MARVELD1: variants seen among roughly 807,000 people sequenced by gnomAD.
The protein encoded by MARVELD1 is MARVEL domain-containing protein 1.
MARVELD1 carries 7 observed loss-of-function variants against 11.3 expected under a neutral mutation model. That is an observed-to-expected ratio of 0.62 (90% CI 0.35 to 1.16). MARVELD1 has a LOEUF of 1.16. Among genes scored for constraint, MARVELD1 ranks in the 50% most tolerant of loss-of-function variants. The probability of loss-of-function intolerance (pLI) is 0.02; values close to 1 mark genes in which losing one functional copy is unlikely to be tolerated. For synonymous variants in MARVELD1, 119 were observed against 121.4 expected (o/e 0.98, Z 0.13); for missense variants, 216 against 243.8 (o/e 0.89, Z 0.76).
rs1236464517 is a variant in MARVELD1 at position 97,714,103 on chromosome 10, A to G, written c.227A>G (p.Tyr76Cys). Residue 76 changes from tyrosine to cysteine, a missense_variant, in exon 1 of 2, where the codon TAC becomes TGC. Physicochemically the swap from Tyr to Cys is radical, Grantham distance 194. Transcript: ENST00000285605. This position sits in a 1 kb window ranked among gnomAD's most constrained non-coding sequence, Gnocchi z 7.4. ...TTCTGGCTGCTCACCCTGGGCCTCT[A>G]CTTCCTCACGCTGCTGGGCAAGCAC... The part of the protein sequence containing the change: ...VLFWLLTLGL[Y>C]FLTLLGKHEL... 3 of 1,536,548 alleles carry G rather than the reference A, an allele frequency of 2.0e-6. No individual in the cohort carries two copies. The highest frequency in any genetic ancestry group is 2.7e-5 in the African/African-American group (2 of 72,892).
chr10:97,716,959 TGTG>T (rs1324465072), intron 1 of MARVELD1, among the ~76,000 whole-genome samples: 1 of 152,210 alleles, frequency 6.6e-6, no homozygotes. Flanking sequence ...TTTTTTAAAT[TGTG>T]GTAAAATATA....
chr10:97,715,336 C>G lies in MARVELD1; in HGVS notation c.*938C>G, dbSNP rs2041904312. 1 of 152,246 alleles carries G rather than the reference C, an allele frequency of 6.6e-6. No individual in the cohort carries two copies. Among genetic ancestry groups the G allele is most frequent in the Admixed American group, 6.6e-5 (1 of 15,262 alleles). The allele number at this position is 152,246 out of a possible 1,614,324, so 9.4% of individuals were successfully genotyped here. On this transcript the variant is annotated 3_prime_UTR_variant, in exon 1 of 2. Coordinates refer to ENST00000285605, the MANE Select transcript of MARVELD1 (RefSeq NM_031484.4). ...CTTCTTACAGATGGGGACCCAGAGCCTGCTCTTGGGAACAGCCAGAGTAAG... is the reference window on the plus strand; with the variant it reads ...CTTCTTACAGATGGGGACCCAGAGCGTGCTCTTGGGAACAGCCAGAGTAAG...
Position 97,714,204 on chromosome 10 carries a change from G to A in MARVELD1, c.328G>A (p.Gly110Ser). 1 of 1,536,814 alleles carries A rather than the reference G, an allele frequency of 6.5e-7. No individual in the cohort carries two copies. Among genetic ancestry groups the A allele is most frequent in the Non-Finnish European group, 8.7e-7 (1 of 1,146,622 alleles). ...AHDVLAAALY[G>S]AATGIMSDQM... ...CGATGTGCTGGCGGCCGCGCTCTAC[G>A]GCGCCGCCACCGGCATCATGAGCGA... Residue 110 changes from glycine to serine, a missense_variant, in exon 1 of 2, where the codon GGC (glycine) becomes AGC (serine). By Grantham distance (56) the Gly-to-Ser change is moderately conservative. Transcript: ENST00000285605. The surrounding 1 kb of genome is among the most constrained non-coding windows in gnomAD (Gnocchi z 7.4).
In MARVELD1 at chr10:97,714,195, G is replaced by A; in HGVS notation, c.319G>A (p.Ala107Thr). The A allele has an allele frequency of 6.5e-7, 1 of 1,536,756 alleles. No homozygotes were observed. The highest frequency in any genetic ancestry group is 8.7e-7 in the Non-Finnish European group (1 of 1,146,606). Residue 107 changes from alanine to threonine, a missense_variant, in exon 1 of 2, where the codon GCG becomes ACG. By Grantham distance (58) the Ala-to-Thr change is moderately conservative. Coordinates refer to ENST00000285605, the MANE Select transcript of MARVELD1 (RefSeq NM_031484.4). The surrounding 1 kb of genome is among the most constrained non-coding windows in gnomAD (Gnocchi z 7.4). ...CGTGGCGCACGATGTGCTGGCGGCC[G>A]CGCTCTACGGCGCCGCCACCGGCAT... is the stretch of plus-strand genomic sequence containing the variant. ...VNVAHDVLAA[A>T]LYGAATGIMS... is the part of the protein sequence containing the mutation.
rs2041918746 is a variant in MARVELD1 at position 97,717,339 on chromosome 10, GA to G, written c.*1734del. The G allele has an allele frequency of 6.6e-6, 1 of 152,228 alleles. No homozygotes were observed. The highest frequency in any genetic ancestry group is 2.4e-5 in the African/African-American group (1 of 41,442). 9.4% of individuals were successfully genotyped at this position (152,228 alleles called of 1,614,324 possible). Reference sequence around the variant, plus strand: ...TTCACTGGCAGTAGGGGGAGATGGGGAGAGGAATGATCTCTGCCCAGCCCCT... The same window carrying G: ...TTCACTGGCAGTAGGGGGAGATGGGGGAGGAATGATCTCTGCCCAGCCCCT... On this transcript the variant is annotated 3_prime_UTR_variant, in exon 2 of 2. Transcript: ENST00000285605.
Position 97,715,849 on chromosome 10 carries a change from G to A in MARVELD1, c.*1451G>A, listed in dbSNP as rs2041908353. On this transcript the variant is annotated 3_prime_UTR_variant, in exon 1 of 2. Transcript: ENST00000285605. ...GAAATGAAGCCAAAGTTATTCAGATGGTTTTCCCAGGCTAAAGGAAAGTCA... is the reference window on the plus strand; with the variant it reads ...GAAATGAAGCCAAAGTTATTCAGATAGTTTTCCCAGGCTAAAGGAAAGTCA... 1 of 152,240 alleles carries A rather than the reference G, an allele frequency of 6.6e-6. No individual in the cohort carries two copies. Among genetic ancestry groups the A allele is most frequent in the Non-Finnish European group, 1.5e-5 (1 of 68,054 alleles). 9.4% of individuals were successfully genotyped at this position (152,240 alleles called of 1,614,324 possible).
At position 97,714,475 on chromosome 10, in the gene MARVELD1, C is replaced by T; in HGVS notation, c.*77C>T. Reference sequence around the variant, plus strand: ...CCAGCCTCCTTAATCCCTTCCCCCGCCGCCGCCCCGCGCGGGTGCGCCCTG... The same window carrying T: ...CCAGCCTCCTTAATCCCTTCCCCCGTCGCCGCCCCGCGCGGGTGCGCCCTG... On this transcript the variant is annotated 3_prime_UTR_variant, in exon 1 of 2. Coordinates refer to ENST00000285605, the MANE Select transcript of MARVELD1 (RefSeq NM_031484.4). This position sits in a 1 kb window ranked among gnomAD's most constrained non-coding sequence, Gnocchi z 7.4. 2 of 1,153,470 alleles carry T rather than the reference C, an allele frequency of 1.7e-6. No homozygotes were observed. Among genetic ancestry groups the T allele is most frequent in the Non-Finnish European group, 2.3e-6 (2 of 853,910 alleles). The allele number at this position is 1,153,470 out of a possible 1,614,324, so 71.5% of individuals were successfully genotyped here. A position where few individuals can be genotyped will look rare whatever the true frequency, so the allele number is the denominator to read the frequency against.
chr10:97,716,288 G>A (rs1352122853), intron 1 of MARVELD1, among the ~76,000 whole-genome samples: 3 of 152,094 alleles, frequency 2.0e-5, no homozygotes, highest in Non-Finnish European at 4.4e-5. Context: ...AGACTGAAGC[G>A]ATCCTCTCAC....
chr10:97,714,311 C>G lies in MARVELD1; in HGVS notation c.435C>G (p.Val145=). The G allele has an allele frequency of 6.5e-7, 1 of 1,536,148 alleles. No homozygotes were observed. Among genetic ancestry groups the G allele is most frequent in the South Asian group, 1.2e-5 (1 of 84,054 alleles). Residue 145 remains valine, a synonymous_variant, in exon 1 of 2, where the codon GTC becomes GTG. Coordinates refer to ENST00000285605, the MANE Select transcript of MARVELD1 (RefSeq NM_031484.4). This position sits in a 1 kb window ranked among gnomAD's most constrained non-coding sequence, Gnocchi z 7.4. ...ACCACGCCTTCCTGGCGGCCGCCGT[C>G]TGCGGCGGCGTCTGCCACGGCCTCT... The part of the protein sequence containing the change: ...CAYHAFLAAA[V]CGGVCHGLYL...
rs1012617597 is a variant in MARVELD1 at position 97,714,639 on chromosome 10, C to T, written c.*241C>T. 2 of 472,644 alleles carry T rather than the reference C, an allele frequency of 4.2e-6. No homozygotes were observed. The highest frequency in any genetic ancestry group is 7.4e-6 in the Non-Finnish European group (2 of 270,480). 29.3% of individuals were successfully genotyped at this position (472,644 alleles called of 1,614,324 possible). On this transcript the variant is annotated 3_prime_UTR_variant, in exon 1 of 2. Coordinates refer to ENST00000285605, the MANE Select transcript of MARVELD1 (RefSeq NM_031484.4). This position sits in a 1 kb window ranked among gnomAD's most constrained non-coding sequence, Gnocchi z 7.4. ...CCGACCGCCGCGCCGGACGCGCCGT[C>T]TCCCGGGACAAGCGCAGGCTGCGAT...
rs1279685446 is a variant in MARVELD1, at chr10:97,715,930, C to T, written c.*1532C>T. 2 of 152,244 alleles carry T rather than the reference C, an allele frequency of 1.3e-5. No individual in the cohort carries two copies. Among genetic ancestry groups the T allele is most frequent in the Non-Finnish European group, 2.9e-5 (2 of 68,064 alleles). The allele number at this position is 152,244 out of a possible 1,614,324, so 9.4% of individuals were successfully genotyped here. ...CAGCTGACAGGGTGGGTCTCCCTTA[C>T]CAAAGAGAAGAACCACTCTCTGGCG... is the stretch of plus-strand genomic sequence containing the variant. On this transcript the variant is annotated 3_prime_UTR_variant, in exon 1 of 2. Coordinates refer to ENST00000285605, the MANE Select transcript of MARVELD1 (RefSeq NM_031484.4).
At position 97,715,162 on chromosome 10, in the gene MARVELD1, A is replaced by G. The variant is rs1297673806; in HGVS notation, c.*764A>G. The stretch of plus-strand genomic sequence containing the variant: ...GTTTTTGCAGGCCAGTGCCAAACAC[A>G]CACTAACTGTCCTGGCCTCTCCGTG... On this transcript the variant is annotated 3_prime_UTR_variant, in exon 1 of 2. Coordinates refer to ENST00000285605, the MANE Select transcript of MARVELD1 (RefSeq NM_031484.4). 6.6e-6 allele frequency: 1 copy of G among 152,380 alleles called. No individual in the cohort carries two copies. Among genetic ancestry groups the G allele is most frequent in the Non-Finnish European group, 1.5e-5 (1 of 68,244 alleles). 9.4% of individuals were successfully genotyped at this position (152,380 alleles called of 1,614,324 possible).
chr10:97,715,436 C>A lies in MARVELD1; in HGVS notation c.*1038C>A, dbSNP rs1169803140. 4 of 152,260 alleles carry A rather than the reference C, an allele frequency of 2.6e-5. No homozygotes were observed. The highest frequency in any genetic ancestry group is 5.9e-5 in the Non-Finnish European group (4 of 68,074). The allele number at this position is 152,260 out of a possible 1,614,324, so 9.4% of individuals were successfully genotyped here. Reference sequence around the variant, plus strand: ...TGAGTCAGGACCCCTGGCTCAGGAGCCGCCTCTCCTAAAAGAGGGTTTCAA... The same window carrying A: ...TGAGTCAGGACCCCTGGCTCAGGAGACGCCTCTCCTAAAAGAGGGTTTCAA... On this transcript the variant is annotated 3_prime_UTR_variant, in exon 1 of 2. Coordinates refer to ENST00000285605, the MANE Select transcript of MARVELD1 (RefSeq NM_031484.4).
In MARVELD1 at chr10:97,713,893, C is replaced by G. The variant is rs1015426912; in HGVS notation, c.17C>G (p.Pro6Arg). Residue 6 changes from proline (P) to arginine (R), a missense_variant, in exon 1 of 2, where the codon CCG becomes CGG. Pro to Arg is a moderately radical substitution (Grantham distance 103). Coordinates refer to ENST00000285605, the MANE Select transcript of MARVELD1 (RefSeq NM_031484.4). This position sits in a 1 kb window ranked among gnomAD's most constrained non-coding sequence, Gnocchi z 5.7. ...CCAGGGGCCATGCTCCCGCCGCCCCCGCGCCAGCCGCCGCCCCAGGCGCGT... is the reference window on the plus strand; with the variant it reads ...CCAGGGGCCATGCTCCCGCCGCCCCGGCGCCAGCCGCCGCCCCAGGCGCGT... MLPPPPRQPPPQARAA... is the reference protein window; with the variant it reads MLPPPRRQPPPQARAA... The G allele has an allele frequency of 5.1e-6, 5 of 978,866 alleles. No individual in the cohort carries two copies. The highest frequency in any genetic ancestry group is 6.2e-6 in the Non-Finnish European group (5 of 811,224). The allele number at this position is 978,866 out of a possible 1,614,324, so 60.6% of individuals were successfully genotyped here. A position where few individuals can be genotyped will look rare whatever the true frequency, so the allele number is the denominator to read the frequency against.
At position 97,714,591 on chromosome 10, in the gene MARVELD1, G is replaced by T; in HGVS notation, c.*193G>T. On this transcript the variant is annotated 3_prime_UTR_variant, in exon 1 of 2. Transcript: ENST00000285605. The surrounding 1 kb of genome is among the most constrained non-coding windows in gnomAD (Gnocchi z 7.4). The stretch of plus-strand genomic sequence containing the variant: ...CCCGCCCGACGGCAGCGCCGCCGCC[G>T]CCCAGAATCCCAGCCCAGAATCCCG... 1 of 492,712 alleles carries T rather than the reference G, an allele frequency of 2.0e-6. No individual in the cohort carries two copies. The highest frequency in any genetic ancestry group is 3.5e-5 in the East Asian group (1 of 28,698). 30.5% of individuals were successfully genotyped at this position (492,712 alleles called of 1,614,324 possible).
rs1564787547 is a variant in MARVELD1 at position 97,714,091 on chromosome 10, C to T, written c.215C>T (p.Thr72Ile). ...LFVSVLFWLLTLGLYFLTLLG... is the reference protein window; with the variant it reads ...LFVSVLFWLLILGLYFLTLLG... The stretch of plus-strand genomic sequence containing the variant: ...GTGTCCGTGCTCTTCTGGCTGCTCA[C>T]CCTGGGCCTCTACTTCCTCACGCTG... The change falls in exon 1 of 2, where the codon ACC (threonine) becomes ATC (isoleucine). Residue 72 changes from threonine to isoleucine, a missense_variant. By Grantham distance (89) the Thr-to-Ile change is moderately conservative. Coordinates refer to ENST00000285605, the MANE Select transcript of MARVELD1 (RefSeq NM_031484.4). The surrounding 1 kb of genome is among the most constrained non-coding windows in gnomAD (Gnocchi z 7.4). 6.5e-6 allele frequency: 10 copies of T among 1,536,984 alleles called. No individual in the cohort carries two copies. The highest frequency in any genetic ancestry group is 8.7e-6 in the Non-Finnish European group (10 of 1,146,732).
chr10:97,713,896 GCCAGCCGCCGCC>G lies in MARVELD1; in HGVS notation c.25_36del (p.Pro9_Gln12del). The G allele has an allele frequency of 1.0e-6, 1 of 1,001,768 alleles. No homozygotes were observed. The highest frequency in any genetic ancestry group is 1.2e-6 in the Non-Finnish European group (1 of 828,632). 62.1% of individuals were successfully genotyped at this position (1,001,768 alleles called of 1,614,324 possible). ...GGGGCCATGCTCCCGCCGCCCCCGC[GCCAGCCGCCGCC>G]CCAGGCGCGTGCGGCCCGCGGCGCG... is the stretch of plus-strand genomic sequence containing the variant. On this transcript the variant is annotated inframe_deletion, in exon 1 of 2. Coordinates refer to ENST00000285605, the MANE Select transcript of MARVELD1 (RefSeq NM_031484.4). The surrounding 1 kb of genome is among the most constrained non-coding windows in gnomAD (Gnocchi z 5.7).
rs2041900879 is a variant in MARVELD1 at position 97,714,909 on chromosome 10, A to T, written c.*511A>T. The T allele has an allele frequency of 1.3e-5, 2 of 154,736 alleles. No homozygotes were observed. The highest frequency in any genetic ancestry group is 4.8e-5 in the African/African-American group (2 of 41,472). 9.6% of individuals were successfully genotyped at this position (154,736 alleles called of 1,614,324 possible). A position where few individuals can be genotyped will look rare whatever the true frequency, so the allele number is the denominator to read the frequency against. On this transcript the variant is annotated 3_prime_UTR_variant, in exon 1 of 2. Coordinates refer to ENST00000285605, the MANE Select transcript of MARVELD1 (RefSeq NM_031484.4). This position sits in a 1 kb window ranked among gnomAD's most constrained non-coding sequence, Gnocchi z 7.4. ...AACGCAGGCGCTGGGCCGCGGGCGG[A>T]GCTGAGGACAGGCCTTGGCTGGTCC...
chr10:97,713,882 CCCGCCGCCCCCGCGCCAG>C lies in MARVELD1; in HGVS notation c.17_34del (p.Pro6_Pro11del), dbSNP rs923117915. 4 of 856,430 alleles carry C rather than the reference CCCGCCGCCCCCGCGCCAG, an allele frequency of 4.7e-6. No individual in the cohort carries two copies. The highest frequency in any genetic ancestry group is 5.7e-4 in the Middle Eastern group (1 of 1,758). 53.1% of individuals were successfully genotyped at this position (856,430 alleles called of 1,614,324 possible). On this transcript the variant is annotated inframe_deletion, in exon 1 of 2. Coordinates refer to ENST00000285605, the MANE Select transcript of MARVELD1 (RefSeq NM_031484.4). This position sits in a 1 kb window ranked among gnomAD's most constrained non-coding sequence, Gnocchi z 5.7. ...CGCCACCGCGCCCAGGGGCCATGCTCCCGCCGCCCCCGCGCCAGCCGCCGCCCCAGGCGCGTGCGGCCC... is the reference window on the plus strand; with the variant it reads ...CGCCACCGCGCCCAGGGGCCATGCTCCCGCCGCCCCAGGCGCGTGCGGCCC...
Sources: allele counts gnomAD v4.1 joint callset (sites outside exome capture counted in the v4.1 genomes callset), GRCh38; gene constraint gnomAD v4.1.1; non-coding constraint Gnocchi (gnomAD v3.1); transcripts MANE v1.5; gene names NCBI Gene and HGNC (gene_info 2026-07-23, HGNC 2026-07-21).